The following DLGAP2 variants were observed in gnomAD, a reference collection of about 807,000 sequenced individuals.
DLGAP2 encodes DLG associated protein 2.
A neutral mutation model predicts 100.3 loss-of-function variants in DLGAP2; 26 were observed. That is an observed-to-expected ratio of 0.26 (90% CI 0.19 to 0.36). The LOEUF is 0.36. Among genes scored for constraint, DLGAP2 ranks in the 10% least tolerant of loss-of-function variants. The pLI, the probability that DLGAP2 is intolerant of heterozygous loss-of-function variation, is 1.00. For synonymous variants in DLGAP2, 886 were observed against 630.1 expected (o/e 1.41, Z -6.08); for missense variants, 1,858 against 1,453.2 (o/e 1.28, Z -4.53).
At chr8:1,337,522 A>C (rs908780983) in intron 3 of DLGAP2, among the ~76,000 whole-genome samples, 8 of 148,730 alleles carry the variant, frequency 5.4e-5, no homozygotes, top group African/African-American at 1.5e-4. Flanking sequence ...GGTGATGCTG[A>C]TGATAGTGAT....
intron 2 of DLGAP2, among the ~76,000 whole-genome samples, chr8:1,084,768 T>C (rs1327714368): frequency 6.6e-6 from 1 of 152,184 alleles, no homozygotes; most frequent in Non-Finnish European, 1.5e-5. Flanking sequence ...CTTCCTTTAT[T>C]CGTTGCTCCC....
At chr8:1,188,745 G>A (rs1176114601) in intron 2 of DLGAP2, among the ~76,000 whole-genome samples, 2 of 152,222 alleles carry the variant, frequency 1.3e-5, no homozygotes, top group African/African-American at 4.8e-5. Context: ...AGTCTGAGAT[G>A]TCAGCGTCTG....
intron 6 of DLGAP2, among the ~76,000 whole-genome samples, chr8:1,579,027 G>C (rs1423813261): frequency 6.6e-6 from 1 of 152,140 alleles, no homozygotes; most frequent in Non-Finnish European, 1.5e-5. Flanking sequence ...TGAGATACTG[G>C]ACTTGCTTAT....
chr8:1,519,529 T>C (rs1800514219), intron 4 of DLGAP2, among the ~76,000 whole-genome samples: 1 of 152,240 alleles, frequency 6.6e-6, no homozygotes, highest in Admixed American at 6.5e-5. Flanking sequence ...GAGACTTTCG[T>C]TAGAGAGGCA....
chr8:1,588,043 T>G (rs1189006648), intron 6 of DLGAP2, among the ~76,000 whole-genome samples: 1 of 152,050 alleles, frequency 6.6e-6, no homozygotes, highest in East Asian at 1.9e-4. Flanking sequence ...CCTAATAGAG[T>G]TCTGGTAGCA....
intron 3 of DLGAP2, among the ~76,000 whole-genome samples, chr8:1,266,176 C>A (rs146514601): frequency 1.1e-3 from 175 of 152,346 alleles, no homozygotes; most frequent in African/African-American, 4.0e-3. Context: ...CCAACAGGGA[C>A]GCTGTCTACT....
intron 3 of DLGAP2, among the ~76,000 whole-genome samples, chr8:1,261,334 T>C (rs898288257): frequency 2.7e-5 from 4 of 150,652 alleles, no homozygotes; most frequent in African/African-American, 9.9e-5. Context: ...CTTCCAGATA[T>C]TTAAAGCGAG....
intron 2 of DLGAP2, among the ~76,000 whole-genome samples, chr8:1,048,039 G>A (rs1026758007): frequency 6.6e-5 from 10 of 152,146 alleles, no homozygotes; most frequent in Non-Finnish European, 1.3e-4. Context: ...TGACCCGACT[G>A]TGTGTAGCTC....
At chr8:1,222,006 C>G (rs768074675) in intron 2 of DLGAP2, among the ~76,000 whole-genome samples, 8 of 152,124 alleles carry the variant, frequency 5.3e-5, no homozygotes, top group Non-Finnish European at 7.3e-5. Flanking sequence ...TTACTGTTTT[C>G]CTTGGATTAG....
At chr8:1,194,885 G>C (rs910158864) in intron 2 of DLGAP2, among the ~76,000 whole-genome samples, 2 of 152,208 alleles carry the variant, frequency 1.3e-5, no homozygotes, top group African/African-American at 4.8e-5. Context: ...GTCTGTGCTT[G>C]GTGCTCACGC....
intron 1 of DLGAP2, among the ~76,000 whole-genome samples, chr8:776,298 C>G (rs1455362422): frequency 6.6e-6 from 1 of 152,018 alleles, no homozygotes; most frequent in Non-Finnish European, 1.5e-5. Context: ...TTTCAAGAAA[C>G]CAGCTCCTGG....
intron 2 of DLGAP2, among the ~76,000 whole-genome samples, chr8:1,110,043 A>G (rs1397739592): frequency 2.0e-5 from 2 of 99,152 alleles, no homozygotes; most frequent in African/African-American, 4.2e-5. Context: ...GTGCCTATGA[A>G]GTGTGCTGGG....
chr8:1,192,358 C>A (rs1035055017), intron 2 of DLGAP2, among the ~76,000 whole-genome samples: 1 of 152,154 alleles, frequency 6.6e-6, no homozygotes, highest in Non-Finnish European at 1.5e-5. Flanking sequence ...GAATACCTTG[C>A]GGAATAGCTC....
At chr8:844,081 C>A (rs1797030426) in intron 1 of DLGAP2, among the ~76,000 whole-genome samples, 1 of 152,050 alleles carries the variant, frequency 6.6e-6, no homozygotes, top group Admixed American at 6.5e-5. Flanking sequence ...TAATTTTTTT[C>A]ATTTGTTTAA....
chr8:1,180,715 C>T (rs1013197953), intron 2 of DLGAP2, among the ~76,000 whole-genome samples: 1 of 149,406 alleles, frequency 6.7e-6, no homozygotes. Context: ...TGTGGGTGTG[C>T]AAGGGCAGCA....
intron 3 of DLGAP2, among the ~76,000 whole-genome samples, chr8:1,392,556 C>T (rs932282733): frequency 1.3e-5 from 2 of 152,198 alleles, no homozygotes; most frequent in Admixed American, 1.3e-4. Context: ...TAGACCTTGT[C>T]CGAAAAGGCC....
chr8:1,328,865 G>A (rs756371644), intron 3 of DLGAP2, among the ~76,000 whole-genome samples: 2 of 152,184 alleles, frequency 1.3e-5, no homozygotes, highest in African/African-American at 2.4e-5. Context: ...TACACACTTC[G>A]GTGGTTTGCT....
chr8:1,112,075 T>G (rs1345800029), intron 2 of DLGAP2, among the ~76,000 whole-genome samples: 1 of 152,060 alleles, frequency 6.6e-6, no homozygotes, highest in Non-Finnish European at 1.5e-5. Flanking sequence ...CATCCGTTAT[T>G]TTTTGACTTT....
intron 2 of DLGAP2, among the ~76,000 whole-genome samples, chr8:1,096,210 G>T (rs1804360934): frequency 6.6e-6 from 1 of 152,182 alleles, no homozygotes; most frequent in African/African-American, 2.4e-5. Context: ...GCCAAACCAG[G>T]ACTGTTGATT....
Sources: gnomAD v4.1 joint callset for allele counts (sites outside exome capture counted in the v4.1 genomes callset) on GRCh38, gnomAD v4.1.1 for gene constraint, MANE v1.5 for transcripts, NCBI Gene and HGNC (gene_info 2026-07-23, HGNC 2026-07-21) for gene names.